BMP2K: variants seen among roughly 807,000 people sequenced by gnomAD.
The protein encoded by BMP2K is BMP-2-inducible protein kinase.
Under a neutral mutation model 116.0 loss-of-function variants are expected in BMP2K, and 74 were observed. The ratio of observed to expected loss-of-function variants is 0.64; its 90% CI spans 0.53 to 0.77. The LOEUF is 0.77. BMP2K is among the 30% of genes least tolerant of loss of function. The pLI, the probability that BMP2K is intolerant of heterozygous loss-of-function variation, is 0.00. For synonymous variants in BMP2K, 486 were observed against 502.5 expected, an observed-to-expected ratio of 0.97 and a Z score of 0.44; for missense variants, 1,365 against 1,403.6, an observed-to-expected ratio of 0.97 and a Z score of 0.44.
At chr4:78,798,835 G>C (rs1346316101) in intron 1 of BMP2K, among the ~76,000 whole-genome samples, 2 of 152,216 alleles carry the variant, frequency 1.3e-5, no homozygotes, top group Admixed American at 1.3e-4. Flanking sequence ...TGCTGAATGA[G>C]AGAATACAAG....
At chr4:78,801,321 T>C (rs1440210719) in intron 1 of BMP2K, among the ~76,000 whole-genome samples, 1 of 151,282 alleles carries the variant, frequency 6.6e-6, no homozygotes, top group Non-Finnish European at 1.5e-5. Context: ...GAATTATCTT[T>C]ATTGCCTGGA....
At chr4:78,907,456 C>G (rs1405910895) in intron 15 of BMP2K, among the ~76,000 whole-genome samples, 1 of 152,198 alleles carries the variant, frequency 6.6e-6, no homozygotes, top group African/African-American at 2.4e-5. Context: ...GATGAATTAT[C>G]TGTCCTACGT....
At chr4:78,839,032 CAT>C (rs1730626567) in intron 3 of BMP2K, among the ~76,000 whole-genome samples, 2 of 152,238 alleles carry the variant, frequency 1.3e-5, no homozygotes, top group South Asian at 2.1e-4. Flanking sequence ...AAGTATTCTA[CAT>C]ATGTTTCCAT....
chr4:78,797,307 A>G (rs1728344099), intron 1 of BMP2K, among the ~76,000 whole-genome samples: 2 of 152,182 alleles, frequency 1.3e-5, no homozygotes, highest in Admixed American at 1.3e-4. Flanking sequence ...AAAAGAAAGG[A>G]AAAAAACTTA....
In BMP2K at chr4:78,842,496, G is replaced by A; in HGVS notation, c.515G>A (p.Cys172Tyr). Residue 172 changes from cysteine (C) to tyrosine (Y), a missense_variant, in exon 4 of 16, where the codon TGT becomes TAT. By Grantham distance (194) the Cys-to-Tyr change is radical. Around this residue, in one of 3 missense-constraint regions of BMP2K, gnomAD observed 762 missense variants for 756.7 expected, o/e 1.01. Coordinates refer to ENST00000502613, the MANE Select transcript of BMP2K (RefSeq NM_198892.2). ...TCEAVARLHQ[C>Y]KTPIIHRDLK... ...GAAGCTGTTGCAAGGTTGCATCAGT[G>A]TAAGACTCCAATAATTCACCGGGAT... is the stretch of plus-strand genomic sequence containing the variant. The A allele has an allele frequency of 6.3e-7, 1 of 1,594,342 alleles. No individual in the cohort carries two copies. Among genetic ancestry groups the A allele is most frequent in the Non-Finnish European group, 8.6e-7 (1 of 1,165,786 alleles).
chr4:78,820,579 T>G (rs1203318111), intron 1 of BMP2K, among the ~76,000 whole-genome samples: 1 of 151,978 alleles, frequency 6.6e-6, no homozygotes, highest in Non-Finnish European at 1.5e-5. Context: ...TGGTGGACTG[T>G]TTTTTTTCTG....
intron 14 of BMP2K, among the ~76,000 whole-genome samples, chr4:78,880,271 C>T (rs1419067993): frequency 6.6e-6 from 1 of 152,138 alleles, no homozygotes; most frequent in African/African-American, 2.4e-5. Context: ...GGGATTTCTC[C>T]ATGTTGGTCA....
intron 2 of BMP2K, among the ~76,000 whole-genome samples, chr4:78,828,951 A>G (rs1436350654): frequency 6.6e-6 from 1 of 152,090 alleles, no homozygotes; most frequent in Non-Finnish European, 1.5e-5. Flanking sequence ...GGAGGTTGCA[A>G]GTTTTTGAAT....
intron 6 of BMP2K, 180 bp from the exon 7 acceptor site, chr4:78,850,744 A>G: frequency 2.0e-6 from 1 of 498,212 alleles, no homozygotes; most frequent in Non-Finnish European, 3.2e-6. Flanking sequence ...AAGATCATGG[A>G]AATGATATAG....
intron 2 of BMP2K, among the ~76,000 whole-genome samples, chr4:78,829,787 T>TTCTC (rs1730090588): frequency 0.013 from 1,165 of 86,560 alleles, 17 homozygotes; most frequent in Middle Eastern, 0.027. Context: ...TTTCTTTTCT[T>TTCTC]TTCTCTTCTC....
chr4:78,836,688 G>C (rs1305694950), intron 3 of BMP2K, among the ~76,000 whole-genome samples: 3 of 152,090 alleles, frequency 2.0e-5, no homozygotes, highest in Non-Finnish European at 4.4e-5. Context: ...TTTTGGAGAA[G>C]GATTTTTGAA....
Position 78,910,656 on chromosome 4 carries a change from T to C in BMP2K, c.2109T>C (p.Asn703=). 1.3e-6 allele frequency: 2 copies of C among 1,566,584 alleles called. No homozygotes were observed. The highest frequency in any genetic ancestry group is 2.2e-5 in the East Asian group (1 of 44,608). Residue 703 remains asparagine (N), a synonymous_variant, in exon 16 of 16, where the codon AAT becomes AAC. Coordinates refer to ENST00000502613, the MANE Select transcript of BMP2K (RefSeq NM_198892.2). ...KAEHSSINQE[N]GTANPIKNGK... The stretch of plus-strand genomic sequence containing the variant: ...AACATTCATCTATAAATCAAGAAAA[T>C]GGCACTGCAAACCCTATCAAGAACG...
At position 78,839,043 on chromosome 4, in the gene BMP2K, A is replaced by G. The variant is rs190133391; in HGVS notation, c.404-3342A>G. Among the ~76,000 whole-genome samples, 61 of 152,334 alleles carry G rather than the reference A, an allele frequency of 4.0e-4. 1 individual carries two copies. The highest frequency in any genetic ancestry group is 1.4e-3 in the African/African-American group (59 of 41,574). On this transcript the variant is annotated intron_variant, in intron 3 of 15. Transcript: ENST00000502613. ...TAGGAAGTATTCTACATATGTTTCC[A>G]TGGATTATGTATCTGTTAGTATTTG...
intron 1 of BMP2K, among the ~76,000 whole-genome samples, chr4:78,783,024 T>C (rs113582382): frequency 2.0e-4 from 30 of 152,376 alleles, no homozygotes; most frequent in Non-Finnish European, 4.0e-4. Context: ...TTCATAACTA[T>C]GAGTGAACTT....
intron 1 of BMP2K, among the ~76,000 whole-genome samples, chr4:78,806,220 C>T (rs1190119476): frequency 6.6e-6 from 1 of 151,758 alleles, no homozygotes; most frequent in African/African-American, 2.4e-5. Context: ...GAGGCAGGAT[C>T]TTACTGTGTT....
chr4:78,896,201 G>C (rs998222576), intron 15 of BMP2K, among the ~76,000 whole-genome samples: 1 of 152,142 alleles, frequency 6.6e-6, no homozygotes, highest in Non-Finnish European at 1.5e-5. Context: ...TACTGTCACT[G>C]CCAGAGATGG....
intron 1 of BMP2K, among the ~76,000 whole-genome samples, chr4:78,807,586 A>C (rs1728881086): frequency 6.6e-6 from 1 of 151,090 alleles, no homozygotes; most frequent in Non-Finnish European, 1.5e-5. Context: ...TTTTATTACT[A>C]ACTCAATCTC....
At chr4:78,853,565 T>C (rs28601752) in intron 7 of BMP2K, among the ~76,000 whole-genome samples, 18,613 of 152,088 alleles carry the variant, frequency 0.12, 3,756 homozygotes, top group African/African-American at 0.42. Flanking sequence ...TTATGAAGAA[T>C]GTACTGAAAG....
Position 78,851,036 on chromosome 4 carries a change from G to A in BMP2K, c.863G>A (p.Arg288His), listed in dbSNP as rs55782848. The A allele has an allele frequency of 3.3e-4, 534 of 1,610,534 alleles. No individual in the cohort carries two copies. The African/African-American group carries it at 6.3e-3, about 19-fold the overall frequency. The change falls in exon 7 of 16, where the codon CGT (arginine) becomes CAT (histidine). Residue 288 changes from arginine (R) to histidine (H), a missense_variant. By Grantham distance (29) the Arg-to-His change is conservative. Around this residue, in one of 3 missense-constraint regions of BMP2K, gnomAD observed 762 missense variants for 756.7 expected, o/e 1.01. Transcript: ENST00000502613. ...ATCCCAGACAATTCTCGTTACTCCC[G>A]TAACATACATTGCTTAATAAGTAAG... is the stretch of plus-strand genomic sequence containing the variant. ...FTIPDNSRYS[R>H]NIHCLIRFML...
Sources: gnomAD v4.1 joint callset for allele counts (sites outside exome capture counted in the v4.1 genomes callset) on GRCh38, gnomAD v4.1.1 for gene constraint, gnomAD v4.1.1 regional missense constraint, MANE v1.5 for transcripts, NCBI Gene and HGNC (gene_info 2026-07-23, HGNC 2026-07-21) for gene names.